TANC2: variants seen among roughly 807,000 people sequenced by gnomAD.
TANC2 encodes protein TANC2.
TANC2 carries 26 observed loss-of-function variants against 210.5 expected under a neutral mutation model. The ratio of observed to expected loss-of-function variants is 0.12; its 90% CI spans 0.09 to 0.17. The LOEUF (loss-of-function observed/expected upper bound fraction) is 0.17, where lower values mean the gene tolerates loss of function less well. TANC2 is among the 10% of genes least tolerant of loss of function. TANC2 has a pLI of 1.00. For missense variants in TANC2, 2,129 were observed against 2,608.9 expected, an observed-to-expected ratio of 0.82 and a Z score of 4.01; for synonymous variants, 931 against 967.1, an observed-to-expected ratio of 0.96 and a Z score of 0.69.
At chr17:63,268,602 AT>A (rs1368140323) in intron 9 of TANC2, among the ~76,000 whole-genome samples, 3 of 152,052 alleles carry the variant, frequency 2.0e-5, no homozygotes, top group African/African-American at 4.8e-5. Context: ...TTGCTAGGGA[AT>A]TTTTTTCATT....
At chr17:63,366,266 T>C (rs2047107834) in intron 14 of TANC2, among the ~76,000 whole-genome samples, 1 of 152,202 alleles carries the variant, frequency 6.6e-6, no homozygotes, top group South Asian at 2.1e-4. Context: ...AAGTAATATA[T>C]TTAAGGCTCT....
chr17:63,021,332 G>A lies in TANC2; in HGVS notation c.67+11706G>A, dbSNP rs549321404. On this transcript the variant is annotated intron_variant, in intron 2 of 27. Coordinates refer to ENST00000689528, the Ensembl canonical transcript of TANC2. Reference sequence around the variant, plus strand: ...TTGAGGCATGGTCCCCGATGTGGTAGTGTTGGGAGGTAGTACCTTTAAGAG... The same window carrying A: ...TTGAGGCATGGTCCCCGATGTGGTAATGTTGGGAGGTAGTACCTTTAAGAG... 3.3e-5 allele frequency among the ~76,000 whole-genome samples: 5 copies of A among 152,336 alleles called. No homozygotes were observed. The East Asian group carries it at 9.7e-4, about 29-fold the overall frequency.
At chr17:63,198,724 A>C (rs1275040152) in intron 6 of TANC2, among the ~76,000 whole-genome samples, 2 of 152,014 alleles carry the variant, frequency 1.3e-5, no homozygotes, top group Non-Finnish European at 2.9e-5. Flanking sequence ...GTCACAAGTG[A>C]TATTACTGTG....
intron 15 of TANC2, among the ~76,000 whole-genome samples, chr17:63,385,870 C>T (rs984858389): frequency 1.3e-5 from 2 of 152,176 alleles, no homozygotes; most frequent in African/African-American, 2.4e-5. Flanking sequence ...GTTTCAGCCT[C>T]CCAGCATAGG....
rs147295858 is a variant in TANC2, at chr17:63,221,241, G to A, written c.770-16573G>A. ...AGGTCAGGAGTTCAAGACCAGCCTG[G>A]CCAACATGGCAAAACCCTGTCTCTA... is the stretch of plus-strand genomic sequence containing the variant. On this transcript the variant is annotated intron_variant, in intron 7 of 27. Coordinates refer to ENST00000689528, the Ensembl canonical transcript of TANC2. Among the ~76,000 whole-genome samples the A allele has an allele frequency of 9.7e-3, 1,471 of 152,056 alleles. 18 individuals carry two copies. Among genetic ancestry groups the A allele is most frequent in the Non-Finnish European group, 9.8e-3 (667 of 67,956 alleles).
intron 5 of TANC2, among the ~76,000 whole-genome samples, chr17:63,175,639 TG>T (rs2040554527): frequency 6.6e-6 from 1 of 150,780 alleles, no homozygotes; most frequent in Non-Finnish European, 1.5e-5. Flanking sequence ...ACATGAGAAA[TG>T]TGAGTCATAA....
chr17:63,290,177 A>T (rs1598785383), intron 9 of TANC2, among the ~76,000 whole-genome samples: 1 of 152,160 alleles, frequency 6.6e-6, no homozygotes, highest in East Asian at 1.9e-4. Context: ...TTTCTTCAGT[A>T]TTTACTGTGA....
At chr17:63,205,609 C>A (rs1015393011) in intron 7 of TANC2, among the ~76,000 whole-genome samples, 1 of 152,120 alleles carries the variant, frequency 6.6e-6, no homozygotes, top group East Asian at 1.9e-4. Context: ...ATGATACTAT[C>A]AAGAGAGCAA....
At chr17:62,970,612 T>G (rs150595697) in intron 1 of TANC2, among the ~76,000 whole-genome samples, 1 of 152,154 alleles carries the variant, frequency 6.6e-6, no homozygotes, top group South Asian at 2.1e-4. Context: ...AAGGGGACTA[T>G]TAGGGTAGTT....
chr17:63,089,711 T>G (rs2037110069), intron 3 of TANC2, among the ~76,000 whole-genome samples: 1 of 152,186 alleles, frequency 6.6e-6, no homozygotes, highest in South Asian at 2.1e-4. Context: ...AGGAATAATT[T>G]AGGCCAAACC....
intron 3 of TANC2, among the ~76,000 whole-genome samples, chr17:63,079,590 G>A (rs889694391): frequency 6.6e-6 from 1 of 152,136 alleles, no homozygotes; most frequent in African/African-American, 2.4e-5. Flanking sequence ...AACCTACCAG[G>A]ACAGATGCTA....
chr17:63,018,219 C>T (rs951262976), intron 2 of TANC2, among the ~76,000 whole-genome samples: 8 of 151,666 alleles, frequency 5.3e-5, no homozygotes, highest in East Asian at 1.9e-4. Context: ...AGCCAGGCGC[C>T]GTGGCTCATG....
At chr17:63,304,065 C>T (rs1050007903) in intron 9 of TANC2, among the ~76,000 whole-genome samples, 1 of 152,034 alleles carries the variant, frequency 6.6e-6, no homozygotes, top group Non-Finnish European at 1.5e-5. Context: ...TTATTACCCA[C>T]CTTCTGAAGC....
Position 63,358,376 on chromosome 17 carries a change from A to AGAGTGTGTGTGTGT in TANC2, c.2582+2987_2582+2988insAGTGTGTGTGTGTG, listed in dbSNP as rs1470682571. 6.3e-4 allele frequency among the ~76,000 whole-genome samples: 51 copies of AGAGTGTGTGTGTGT among 81,042 alleles called. 1 individual carries two copies. Among genetic ancestry groups the AGAGTGTGTGTGTGT allele is most frequent in the Admixed American group, 2.1e-3 (15 of 7,160 alleles). The allele number at this position is 81,042 out of a possible 152,430, so 53.2% of individuals were successfully genotyped here. ...GTGAGAGAGAGAGAGAGAGAGAGAGAGTATGTGTGTGTGTGTGTGTGTGTG... is the reference window on the plus strand; with the variant it reads ...GTGAGAGAGAGAGAGAGAGAGAGAGAGAGTGTGTGTGTGTGTATGTGTGTGTGTGTGTGTGTGTG... On this transcript the variant is annotated intron_variant, in intron 14 of 27. Transcript: ENST00000689528.
chr17:63,149,267 A>G (rs982069251), intron 4 of TANC2: 2 of 151,938 alleles, frequency 1.3e-5, no homozygotes, highest in East Asian at 3.9e-4. Flanking sequence ...TACTCTCTTC[A>G]CAGTCTTCAG....
chr17:63,169,335 T>C (rs1391338699), intron 5 of TANC2, among the ~76,000 whole-genome samples: 1 of 152,186 alleles, frequency 6.6e-6, no homozygotes, highest in East Asian at 1.9e-4. Flanking sequence ...TTTGGAAATA[T>C]TTGTAGAAAT....
At chr17:63,094,082 T>C (rs2037300536) in intron 3 of TANC2, among the ~76,000 whole-genome samples, 2 of 152,210 alleles carry the variant, frequency 1.3e-5, no homozygotes, top group African/African-American at 4.8e-5. Context: ...TGCTAGTATA[T>C]AGAAAGACAC....
At chr17:63,171,446 C>T (rs1216886304) in intron 5 of TANC2, among the ~76,000 whole-genome samples, 2 of 152,056 alleles carry the variant, frequency 1.3e-5, no homozygotes, top group East Asian at 3.8e-4. Flanking sequence ...TTTATATTAC[C>T]TTCTACAGTA....
intron 8 of TANC2, among the ~76,000 whole-genome samples, chr17:63,239,320 T>G (rs2042710308): frequency 6.6e-6 from 1 of 152,202 alleles, no homozygotes; most frequent in South Asian, 2.1e-4. Context: ...AGTTGAATGT[T>G]CTGACTTTTC....
Sources: allele counts gnomAD v4.1 joint callset (sites outside exome capture counted in the v4.1 genomes callset), GRCh38; gene constraint gnomAD v4.1.1; transcripts MANE v1.5; gene names NCBI Gene and HGNC (gene_info 2026-07-23, HGNC 2026-07-21).